The following FSHR variants were observed in gnomAD, a reference collection of about 807,000 sequenced individuals.
The protein encoded by FSHR is follicle stimulating hormone receptor, also known as follicle-stimulating hormone receptor.
FSHR carries 46 observed loss-of-function variants against 52.1 expected under a neutral mutation model. That is an observed-to-expected ratio of 0.88 (90% CI 0.70 to 1.13). The LOEUF (loss-of-function observed/expected upper bound fraction) is 1.13, where lower values mean the gene tolerates loss of function less well. Ranked by LOEUF, FSHR falls within the 50% of genes most tolerant of loss-of-function variation. The pLI, the probability that FSHR is intolerant of heterozygous loss-of-function variation, is 0.00. For synonymous variants in FSHR, 399 were observed against 309.6 expected (o/e 1.29, Z -3.03); for missense variants, 964 against 834.6 (o/e 1.16, Z -1.91).
chr2:49,055,406 T>C (rs1003717495), intron 2 of FSHR, among the ~76,000 whole-genome samples: 2 of 150,524 alleles, frequency 1.3e-5, no homozygotes, highest in South Asian at 4.2e-4. Flanking sequence ...CAAATAAATA[T>C]TCATATTATA....
chr2:49,080,515 G>A (rs1309096744), intron 1 of FSHR, among the ~76,000 whole-genome samples: 1 of 151,992 alleles, frequency 6.6e-6, no homozygotes, highest in Non-Finnish European at 1.5e-5. Flanking sequence ...AATGAAAAAA[G>A]GAGTAAACTG....
At chr2:49,095,031 T>C (rs1294243466) in intron 1 of FSHR, among the ~76,000 whole-genome samples, 1 of 152,044 alleles carries the variant, frequency 6.6e-6, no homozygotes, top group Non-Finnish European at 1.5e-5. Context: ...ACAAACTAGA[T>C]AACCTAGATG....
chr2:49,028,042 A>G (rs1164098291), intron 2 of FSHR, among the ~76,000 whole-genome samples: 1 of 152,030 alleles, frequency 6.6e-6, no homozygotes, highest in Non-Finnish European at 1.5e-5. Flanking sequence ...AGGAGAAAGG[A>G]AAGGCATGTT....
At chr2:49,082,330 T>C (rs534726458) in intron 1 of FSHR, among the ~76,000 whole-genome samples, 4,873 of 151,804 alleles carry the variant, frequency 0.032, 262 homozygotes, top group African/African-American at 0.11. Flanking sequence ...GACATCCACA[T>C]CAAAAACCCA....
At chr2:49,123,646 T>A (rs1671895913) in intron 1 of FSHR, among the ~76,000 whole-genome samples, 1 of 152,160 alleles carries the variant, frequency 6.6e-6, no homozygotes, top group Admixed American at 6.5e-5. Context: ...TGTTTGTCAA[T>A]TAAAAATAAA....
intron 2 of FSHR, among the ~76,000 whole-genome samples, chr2:49,057,173 GAAATAAATGAAATTAACACTA>G (rs1384260381): frequency 4.6e-5 from 7 of 151,810 alleles, no homozygotes; most frequent in Admixed American, 1.3e-4. Context: ...TATCAGAGCA[GAAATAAATGAAATTAACACTA>G]AAATAATAAC....
intron 4 of FSHR, among the ~76,000 whole-genome samples, chr2:49,004,658 C>T (rs1334313581): frequency 1.3e-5 from 2 of 152,038 alleles, no homozygotes; most frequent in Admixed American, 6.5e-5. Flanking sequence ...GAAACTGAGA[C>T]CTGAAGAGAT....
chr2:49,068,166 T>G, intron 2 of FSHR, 53 bp downstream of exon 2: 1 of 1,373,644 alleles, frequency 7.3e-7, no homozygotes, highest in Non-Finnish European at 1.0e-6. Flanking sequence ...GGTCTGAGGT[T>G]GCTCCCTATA....
intron 3 of FSHR, among the ~76,000 whole-genome samples, chr2:49,018,441 A>C (rs972970840): frequency 6.6e-6 from 1 of 152,208 alleles, no homozygotes; most frequent in African/African-American, 2.4e-5. Flanking sequence ...ACCCAGATCT[A>C]AGTACCAGGC....
At chr2:49,143,217 G>T (rs1238816901) in intron 1 of FSHR, among the ~76,000 whole-genome samples, 1 of 152,112 alleles carries the variant, frequency 6.6e-6, no homozygotes, top group African/African-American at 2.4e-5. Context: ...TCAAAGTTTT[G>T]CCTGAGCTAT....
chr2:49,097,902 C>T (rs948430360), intron 1 of FSHR, among the ~76,000 whole-genome samples: 2 of 151,950 alleles, frequency 1.3e-5, no homozygotes, highest in South Asian at 2.1e-4. Flanking sequence ...TTTTTATTTG[C>T]ACACATGGAT....
intron 2 of FSHR, among the ~76,000 whole-genome samples, chr2:49,038,995 T>C (rs1216183838): frequency 6.6e-6 from 1 of 152,206 alleles, no homozygotes; most frequent in African/African-American, 2.4e-5. Context: ...CGTGTGCATA[T>C]GTGCTGGATG....
intron 1 of FSHR, among the ~76,000 whole-genome samples, chr2:49,083,526 T>C (rs1670255715): frequency 2.1e-5 from 3 of 144,154 alleles, no homozygotes; most frequent in African/African-American, 2.6e-5. Flanking sequence ...GACTAAATGC[T>C]CCAATTAAAA....
intron 2 of FSHR, among the ~76,000 whole-genome samples, chr2:49,054,183 C>A (rs923499155): frequency 6.6e-6 from 1 of 152,192 alleles, no homozygotes; most frequent in Non-Finnish European, 1.5e-5. Flanking sequence ...TTACCTATCT[C>A]CTGTGCAACT....
intron 1 of FSHR, among the ~76,000 whole-genome samples, chr2:49,107,932 C>T (rs768419300): frequency 1.3e-5 from 2 of 152,118 alleles, no homozygotes; most frequent in Non-Finnish European, 2.9e-5. Flanking sequence ...CTGGACACAT[C>T]AATAGTATGA....
At chr2:49,110,604 T>C (rs989229686) in intron 1 of FSHR, among the ~76,000 whole-genome samples, 1 of 152,186 alleles carries the variant, frequency 6.6e-6, no homozygotes, top group Non-Finnish European at 1.5e-5. Flanking sequence ...TCAAGGATCC[T>C]ATTTCTTCTG....
intron 1 of FSHR, among the ~76,000 whole-genome samples, chr2:49,134,930 G>A (rs1672431414): frequency 6.6e-6 from 1 of 152,152 alleles, no homozygotes; most frequent in South Asian, 2.1e-4. Context: ...TGGGAGGATG[G>A]GGGAGGGATA....
intron 1 of FSHR, among the ~76,000 whole-genome samples, chr2:49,104,373 T>C (rs1671150691): frequency 6.6e-6 from 1 of 152,130 alleles, no homozygotes; most frequent in Admixed American, 6.5e-5. Context: ...CCGAACTCTT[T>C]GTGAAGGGGG....
chr2:49,077,454 A>T (rs1669990011), intron 1 of FSHR, among the ~76,000 whole-genome samples: 1 of 151,830 alleles, frequency 6.6e-6, no homozygotes, highest in Admixed American at 6.6e-5. Flanking sequence ...TTCCTTCTAG[A>T]CCTCTGGGTC....
Sources: gnomAD v4.1 joint callset for allele counts (sites outside exome capture counted in the v4.1 genomes callset) on GRCh38, gnomAD v4.1.1 for gene constraint, MANE v1.5 for transcripts, NCBI Gene and HGNC (gene_info 2026-07-23, HGNC 2026-07-21) for gene names.